The following RPSA2 variants were observed in gnomAD, a reference collection of about 807,000 sequenced individuals.
RPSA2 encodes the protein ribosomal protein SA 2.
chr19:23,789,561 C>T, the RPSA2 span, among the ~76,000 whole-genome samples: 1 of 152,142 alleles, frequency 6.6e-6, no homozygotes, highest in Admixed American at 6.6e-5. Flanking sequence ...TACTCTCTCT[C>T]CTAGCTAGGC....
chr19:23,861,452 A>G, the RPSA2 span, among the ~76,000 whole-genome samples: 16,078 of 152,166 alleles, frequency 0.11, 1,027 homozygotes, highest in Non-Finnish European at 0.14. Context: ...TTTCACTTCT[A>G]GCATATCTCC....
chr19:23,821,593 C>T, the RPSA2 span, among the ~76,000 whole-genome samples: 1 of 152,190 alleles, frequency 6.6e-6, no homozygotes. Context: ...TAATTCTCTG[C>T]CAGCCCGATC....
the RPSA2 span, among the ~76,000 whole-genome samples, chr19:23,799,968 A>G: frequency 6.6e-6 from 1 of 151,596 alleles, no homozygotes; most frequent in Non-Finnish European, 1.5e-5. Context: ...TCTTAAGCAG[A>G]CTGACTGTAA....
chr19:23,844,225 A>G, the RPSA2 span, among the ~76,000 whole-genome samples: 1 of 152,020 alleles, frequency 6.6e-6, no homozygotes, highest in Non-Finnish European at 1.5e-5. Flanking sequence ...CAGTGTTTTG[A>G]CTATTTTTCA....
the RPSA2 span, among the ~76,000 whole-genome samples, chr19:23,846,652 G>C: frequency 6.6e-6 from 1 of 152,064 alleles, no homozygotes; most frequent in East Asian, 1.9e-4. Context: ...ATTTTTGGCT[G>C]GCATTTTTCT....
chr19:23,863,495 T>A, the RPSA2 span, among the ~76,000 whole-genome samples: 5 of 141,688 alleles, frequency 3.5e-5, no homozygotes. Context: ...ACTCAGGAGG[T>A]GGGTGTTGCA....
At chr19:23,843,847 C>T in the RPSA2 span, among the ~76,000 whole-genome samples, 16 of 152,216 alleles carry the variant, frequency 1.1e-4, no homozygotes, top group East Asian at 3.1e-3. Flanking sequence ...GCAATCTTTG[C>T]CTCCTGGGTT....
the RPSA2 span, among the ~76,000 whole-genome samples, chr19:23,846,060 A>C: frequency 9.9e-5 from 15 of 152,184 alleles, no homozygotes; most frequent in Non-Finnish European, 2.2e-4. Flanking sequence ...TGTGTTACCT[A>C]AAGAGATGTG....
chr19:23,775,665 A>G, the RPSA2 span, among the ~76,000 whole-genome samples: 1 of 152,172 alleles, frequency 6.6e-6, no homozygotes, highest in Non-Finnish European at 1.5e-5. Context: ...CAAGTTGGAA[A>G]ATTTACTCTC....
At chr19:23,809,632 TTCTC>T in the RPSA2 span, 3 of 152,134 alleles carry the variant, frequency 2.0e-5, no homozygotes, top group African/African-American at 7.2e-5. Flanking sequence ...AAGATTTTTT[TTCTC>T]TCTTTTATCA....
At chr19:23,857,236 C>T in the RPSA2 span, among the ~76,000 whole-genome samples, 1 of 152,172 alleles carries the variant, frequency 6.6e-6, no homozygotes. Context: ...GTACAGTTAA[C>T]ACAGTTATCA....
At chr19:23,862,117 G>A in the RPSA2 span, among the ~76,000 whole-genome samples, 28 of 152,096 alleles carry the variant, frequency 1.8e-4, no homozygotes, top group African/African-American at 6.3e-4. Flanking sequence ...GGATTCCTAG[G>A]TATTTTATTC....
the RPSA2 span, among the ~76,000 whole-genome samples, chr19:23,867,725 A>C: frequency 1.3e-5 from 2 of 151,554 alleles, no homozygotes; most frequent in African/African-American, 4.9e-5. Flanking sequence ...AGCTACTCGG[A>C]AGGCTGAGGC....
At chr19:23,843,894 G>A in the RPSA2 span, among the ~76,000 whole-genome samples, 3 of 152,146 alleles carry the variant, frequency 2.0e-5, no homozygotes, top group African/African-American at 7.2e-5. Flanking sequence ...TGAGTAGCTG[G>A]GATTACAGGC....
the RPSA2 span, among the ~76,000 whole-genome samples, chr19:23,853,993 C>T: frequency 6.6e-6 from 1 of 152,148 alleles, no homozygotes; most frequent in Non-Finnish European, 1.5e-5. Context: ...TGCAGGTGGA[C>T]CATTGTTTAG....
At chr19:23,774,513 T>C in the RPSA2 span, among the ~76,000 whole-genome samples, 2 of 152,196 alleles carry the variant, frequency 1.3e-5, no homozygotes, top group Non-Finnish European at 2.9e-5. Flanking sequence ...TGCCTGGGCC[T>C]GGACCTCAGA....
the RPSA2 span, among the ~76,000 whole-genome samples, chr19:23,821,527 T>C: frequency 3.3e-5 from 5 of 152,216 alleles, no homozygotes; most frequent in Non-Finnish European, 5.9e-5. Context: ...AATGTGACCA[T>C]GGGCTCCTGG....
chr19:23,853,362 T>G, the RPSA2 span, among the ~76,000 whole-genome samples: 1 of 24,388 alleles, frequency 4.1e-5, no homozygotes, highest in East Asian at 1.6e-3. Context: ...GCCTGATTTC[T>G]TTTTTACTAG....
chr19:23,791,728 A>G, the RPSA2 span, among the ~76,000 whole-genome samples: 1 of 150,684 alleles, frequency 6.6e-6, no homozygotes, highest in Non-Finnish European at 1.5e-5. Context: ...TATTATTTTA[A>G]TCTTTTCTTT....
Sources: allele counts gnomAD v4.1 joint callset (sites outside exome capture counted in the v4.1 genomes callset), GRCh38; gene constraint gnomAD v4.1.1; transcripts MANE v1.5; gene names NCBI Gene and HGNC (gene_info 2026-07-23, HGNC 2026-07-21).